JAZF1: variants seen among roughly 807,000 people sequenced by gnomAD.
JAZF1 encodes the protein juxtaposed with another zinc finger protein 1.
Under a neutral mutation model 26.4 loss-of-function variants are expected in JAZF1, and 8 were observed. The ratio of observed to expected loss-of-function variants is 0.30; its 90% CI spans 0.18 to 0.55. The LOEUF is 0.55. JAZF1 is among the 20% of genes least tolerant of loss of function. JAZF1 has a pLI of 0.94. For synonymous variants in JAZF1, 126 were observed against 122.3 expected, an observed-to-expected ratio of 1.03 and a Z score of -0.20; for missense variants, 199 against 322.0, an observed-to-expected ratio of 0.62 and a Z score of 2.92.
At chr7:27,933,592 AAC>A (rs1784718996) in intron 2 of JAZF1, among the ~76,000 whole-genome samples, 1 of 152,244 alleles carries the variant, frequency 6.6e-6, no homozygotes, top group Non-Finnish European at 1.5e-5. Flanking sequence ...CATTTACAAC[AAC>A]AGAGTAATTT....
chr7:27,866,023 A>G (rs1450115084), intron 3 of JAZF1, among the ~76,000 whole-genome samples: 8 of 152,122 alleles, frequency 5.3e-5, no homozygotes, highest in Non-Finnish European at 1.5e-5. Context: ...CTCCTTACTC[A>G]GGCCGTCATC....
chr7:28,062,502 A>G (rs1783816405), intron 1 of JAZF1, among the ~76,000 whole-genome samples: 1 of 151,560 alleles, frequency 6.6e-6, no homozygotes, highest in Non-Finnish European at 1.5e-5. Context: ...CCACCTTTCC[A>G]CAGGCCTCCC....
chr7:27,895,185 C>A (rs1007579096), intron 3 of JAZF1, 35 bp downstream of exon 3: 3 of 1,429,276 alleles, frequency 2.1e-6, no homozygotes, highest in Non-Finnish European at 2.8e-6. Context: ...TCTCCCCTCT[C>A]CTCCTTCTCA....
intron 1 of JAZF1, among the ~76,000 whole-genome samples, chr7:28,118,742 T>C (rs1027985500): frequency 3.4e-5 from 5 of 148,076 alleles, no homozygotes; most frequent in Non-Finnish European, 7.4e-5. Context: ...TTGTTGGAGA[T>C]CTATTTCTAA....
intron 1 of JAZF1, among the ~76,000 whole-genome samples, chr7:28,039,032 T>C (rs1783343909): frequency 6.6e-6 from 1 of 152,176 alleles, no homozygotes; most frequent in South Asian, 2.1e-4. Context: ...TACTAAAATA[T>C]TTGTGTTAAC....
chr7:28,034,745 T>C lies in JAZF1; in HGVS notation c.116-42764A>G, dbSNP rs1047497868. On this transcript the variant is annotated intron_variant, in intron 1 of 4. Transcript: ENST00000283928. ...TTTTGAATTAAAATGCCATAATCCTTCTAGAAAGTACAGAAATGACACCAT... is the reference window on the plus strand; with the variant it reads ...TTTTGAATTAAAATGCCATAATCCTCCTAGAAAGTACAGAAATGACACCAT... Among the ~76,000 whole-genome samples, 8 of 152,118 alleles carry C rather than the reference T, an allele frequency of 5.3e-5. 1 individual carries two copies. The highest frequency in any genetic ancestry group is 3.9e-4 in the Admixed American group (6 of 15,274).
chr7:28,119,244 C>CT (rs890943432), intron 1 of JAZF1, among the ~76,000 whole-genome samples: 14 of 152,244 alleles, frequency 9.2e-5, no homozygotes, highest in Non-Finnish European at 1.8e-4. Context: ...GAATTTCAAC[C>CT]TTTTTTCGGC....
chr7:27,923,728 G>A (rs2128348526), intron 2 of JAZF1, among the ~76,000 whole-genome samples: 1 of 152,302 alleles, frequency 6.6e-6, no homozygotes, highest in South Asian at 2.1e-4. Flanking sequence ...ATGAGGATTA[G>A]GCCAAACGTA....
intron 3 of JAZF1, among the ~76,000 whole-genome samples, chr7:27,890,287 G>C (rs1300889741): frequency 2.0e-5 from 3 of 152,214 alleles, no homozygotes; most frequent in Non-Finnish European, 4.4e-5. Flanking sequence ...TTGCAAACCT[G>C]ATTATTTAAC....
chr7:27,875,468 A>C (rs1403262712), intron 3 of JAZF1, among the ~76,000 whole-genome samples: 1 of 152,032 alleles, frequency 6.6e-6, no homozygotes. Context: ...CTTCCCCTCA[A>C]CGTAGCAAAA....
chr7:27,975,175 G>A (rs571186610), intron 2 of JAZF1, among the ~76,000 whole-genome samples: 3 of 152,088 alleles, frequency 2.0e-5, no homozygotes, highest in Non-Finnish European at 4.4e-5. Context: ...GTGAGTCACC[G>A]CGTCGGGCCA....
intron 1 of JAZF1, among the ~76,000 whole-genome samples, chr7:28,046,995 T>G (rs1385486418): frequency 7.9e-5 from 12 of 152,194 alleles, no homozygotes; most frequent in Non-Finnish European, 1.8e-4. Context: ...ATTTTAAGAC[T>G]TCAGGGCTTC....
chr7:28,098,965 C>G (rs1430880596), intron 1 of JAZF1, among the ~76,000 whole-genome samples: 1 of 152,206 alleles, frequency 6.6e-6, no homozygotes, highest in Non-Finnish European at 1.5e-5. Flanking sequence ...TAAATGTTCT[C>G]TCTCTCGGGC....
intron 1 of JAZF1, among the ~76,000 whole-genome samples, chr7:28,157,219 C>T (rs1252541954): frequency 6.6e-6 from 1 of 152,236 alleles, no homozygotes; most frequent in Non-Finnish European, 1.5e-5. Context: ...CACTAAGTCC[C>T]TCTTCCCACA....
chr7:27,880,899 C>A (rs915121564), intron 3 of JAZF1, among the ~76,000 whole-genome samples: 1 of 152,206 alleles, frequency 6.6e-6, no homozygotes, highest in African/African-American at 2.4e-5. Context: ...AACTCCTGGG[C>A]TCAAGTGCCT....
At chr7:28,170,479 G>A (rs564753645) in intron 1 of JAZF1, among the ~76,000 whole-genome samples, 1 of 151,942 alleles carries the variant, frequency 6.6e-6, no homozygotes, top group Non-Finnish European at 1.5e-5. Context: ...CAGCGAGAGA[G>A]AGAAAACCAG....
At chr7:28,089,579 G>T (rs908963097) in intron 1 of JAZF1, among the ~76,000 whole-genome samples, 5 of 152,170 alleles carry the variant, frequency 3.3e-5, no homozygotes, top group African/African-American at 1.2e-4. Flanking sequence ...GCTGTGAAGG[G>T]ACTTTGGAAG....
Position 28,168,589 on chromosome 7 carries a change from G to A in JAZF1, c.115+11874C>T, listed in dbSNP as rs559325935. On this transcript the variant is annotated intron_variant, in intron 1 of 4. Coordinates refer to ENST00000283928, the MANE Select transcript of JAZF1 (RefSeq NM_175061.4). ...TGCCACGCCCCACTGCATTGAACTT[G>A]GTTACTTCCCTCATATGCTGTGTCC... Among the ~76,000 whole-genome samples the A allele has an allele frequency of 5.0e-4, 76 of 152,204 alleles. 1 individual carries two copies. Among genetic ancestry groups the A allele is most frequent in the African/African-American group, 1.7e-3 (71 of 41,512 alleles).
intron 2 of JAZF1, among the ~76,000 whole-genome samples, chr7:27,977,270 T>C (rs1232807567): frequency 2.6e-5 from 4 of 152,238 alleles, no homozygotes; most frequent in Non-Finnish European, 5.9e-5. Flanking sequence ...ATGCTGATCA[T>C]GTTGAACTTG....
Sources: gnomAD v4.1 joint callset for allele counts (sites outside exome capture counted in the v4.1 genomes callset) on GRCh38, gnomAD v4.1.1 for gene constraint, MANE v1.5 for transcripts, NCBI Gene and HGNC (gene_info 2026-07-23, HGNC 2026-07-21) for gene names.